The following SLC14A1 variants were observed in gnomAD, a reference collection of about 807,000 sequenced individuals.
SLC14A1 encodes urea transporter 1.
Under a neutral mutation model 39.6 loss-of-function variants are expected in SLC14A1, and 36 were observed. The ratio of observed to expected loss-of-function variants is 0.91; its 90% CI spans 0.70 to 1.20. SLC14A1 has a LOEUF of 1.20. Ranked by LOEUF, SLC14A1 falls within the 50% of genes most tolerant of loss-of-function variation. The pLI is 0.00. For missense variants in SLC14A1, 469 were observed against 478.7 expected (o/e 0.98, Z 0.19); for synonymous variants, 164 against 173.6 (o/e 0.94, Z 0.43).
chr18:45,732,268 T>C (rs2047052540), intron 4 of SLC14A1, among the ~76,000 whole-genome samples: 1 of 152,242 alleles, frequency 6.6e-6, no homozygotes, highest in South Asian at 2.1e-4. Context: ...AAATTCTCTG[T>C]TTTAAGTAAA....
intron 4 of SLC14A1, 54 bp downstream of exon 4, chr18:45,731,258 C>G (rs2144756487): frequency 6.6e-7 from 1 of 1,521,512 alleles, no homozygotes; most frequent in South Asian, 1.1e-5. Context: ...CAGGGGCTGA[C>G]CAGTTACTGT....
intron 2 of SLC14A1, among the ~76,000 whole-genome samples, chr18:45,727,740 G>T (rs895941482): frequency 6.6e-6 from 1 of 152,154 alleles, no homozygotes; most frequent in East Asian, 1.9e-4. Flanking sequence ...CTTCACTGGG[G>T]CTAAGATGTT....
chr18:45,743,526 T>C (rs2047452448), intron 8 of SLC14A1, among the ~76,000 whole-genome samples: 1 of 152,210 alleles, frequency 6.6e-6, no homozygotes, highest in Admixed American at 6.5e-5. Flanking sequence ...TACTAGCGTA[T>C]TTGCTTATGA....
At position 45,750,095 on chromosome 18, in the gene SLC14A1, T is replaced by C. The variant is rs1173889566; in HGVS notation, c.*144T>C. The C allele has an allele frequency of 6.4e-7, 1 of 1,556,406 alleles. No homozygotes were observed. The highest frequency in any genetic ancestry group is 8.6e-7 in the Non-Finnish European group (1 of 1,157,830). ...CTGTAATCTGTTCTTATGCTCATTT[T>C]GTATTTTCCTTTCAACTCCAGGAAT... is the stretch of plus-strand genomic sequence containing the variant. On this transcript the variant is annotated 3_prime_UTR_variant, in exon 10 of 10. Transcript: ENST00000321925.
At chr18:45,735,633 C>T (rs759898008) in intron 5 of SLC14A1, among the ~76,000 whole-genome samples, 4 of 152,208 alleles carry the variant, frequency 2.6e-5, no homozygotes, top group Non-Finnish European at 4.4e-5. Flanking sequence ...GGGATGCCCA[C>T]CCTTACTGTA....
At chr18:45,748,464 G>T in intron 9 of SLC14A1, 39 bp downstream of exon 9, 2 of 1,605,484 alleles carry the variant, frequency 1.2e-6, no homozygotes, top group South Asian at 2.2e-5. Flanking sequence ...TAGCGTAATT[G>T]ACCAGCTTAC....
In SLC14A1 at chr18:45,739,525, C is replaced by T. The variant is rs779319862; in HGVS notation, c.812-3C>T. The T allele has an allele frequency of 6.2e-7, 1 of 1,614,168 alleles. No homozygotes were observed. The highest frequency in any genetic ancestry group is 8.5e-7 in the Non-Finnish European group (1 of 1,180,000). ...TGAGTTCTGACCCCTCCTGTCTTAA[C>T]AGGACTCAGTCTTTCAGCCCCATTT... On this transcript the variant is annotated splice_polypyrimidine_tract_variant and splice_region_variant and intron_variant, in intron 7 of 9. Transcript: ENST00000321925.
At chr18:45,740,503 A>G (rs2047336602) in intron 8 of SLC14A1, among the ~76,000 whole-genome samples, 1 of 146,760 alleles carries the variant, frequency 6.8e-6, no homozygotes. Context: ...CCTGGGCAAC[A>G]GAGCAAGACT....
chr18:45,747,405 T>C (rs1355089970), intron 8 of SLC14A1, among the ~76,000 whole-genome samples: 5 of 152,140 alleles, frequency 3.3e-5, no homozygotes, highest in South Asian at 2.1e-4. Context: ...ACATAAGACG[T>C]TGGCTGGGCG....
intron 2 of SLC14A1, chr18:45,729,482 T>C (rs1485369792): frequency 6.6e-6 from 1 of 152,240 alleles, no homozygotes; most frequent in Middle Eastern, 3.2e-3. Context: ...ATAGTGTTCA[T>C]ACGTTCCAGA....
intron 6 of SLC14A1, among the ~76,000 whole-genome samples, chr18:45,738,019 A>G (rs2047248436): frequency 6.6e-6 from 1 of 152,240 alleles, no homozygotes; most frequent in Admixed American, 6.5e-5. Context: ...AGCATATGCC[A>G]TCTTTGCCAA....
chr18:45,731,172 C>CAG lies in SLC14A1; in HGVS notation c.310_311insGA (p.Thr104ArgfsTer3). Reference sequence around the variant, plus strand: ...CTGGCTGGCTGGGAACAGTGGTCTCCACTCTGATGGCCCTCTTGCTCAGCC... The same window carrying CAG: ...CTGGCTGGCTGGGAACAGTGGTCTCCAGACTCTGATGGCCCTCTTGCTCAGCC... On this transcript the variant is annotated frameshift_variant, in exon 4 of 10. Transcript: ENST00000321925. LOFTEE classifies it high-confidence loss of function. The CAG allele has an allele frequency of 6.2e-7, 1 of 1,613,974 alleles. No homozygotes were observed. Among genetic ancestry groups the CAG allele is most frequent in the South Asian group, 1.1e-5 (1 of 91,066 alleles).
Position 45,750,485 on chromosome 18 carries a change from T to G in SLC14A1, c.*534T>G. On this transcript the variant is annotated 3_prime_UTR_variant, in exon 10 of 10. Transcript: ENST00000321925. ...GGTGCAAGCTGACAGCAGAGCTCAG[T>G]CCCCACTTCCTGCAAACAATGGCCT... is the stretch of plus-strand genomic sequence containing the variant. 1.9e-6 allele frequency: 2 copies of G among 1,026,270 alleles called. No homozygotes were observed. Among genetic ancestry groups the G allele is most frequent in the Non-Finnish European group, 2.3e-6 (2 of 855,000 alleles). 63.6% of individuals were successfully genotyped at this position (1,026,270 alleles called of 1,614,324 possible). A position where few individuals can be genotyped will look rare whatever the true frequency, so the allele number is the denominator to read the frequency against.
chr18:45,749,234 G>A (rs1036070443), intron 9 of SLC14A1, among the ~76,000 whole-genome samples: 2 of 152,096 alleles, frequency 1.3e-5, no homozygotes, highest in African/African-American at 4.8e-5. Flanking sequence ...CCATGCATCA[G>A]GTCAGAGCTA....
At position 45,751,875 on chromosome 18, in the gene SLC14A1, G is replaced by A; in HGVS notation, c.*1924G>A. 1.0e-6 allele frequency: 1 copy of A among 985,114 alleles called. No homozygotes were observed. Among genetic ancestry groups the A allele is most frequent in the Non-Finnish European group, 1.2e-6 (1 of 829,764 alleles). The allele number at this position is 985,114 out of a possible 1,614,324, so 61.0% of individuals were successfully genotyped here. The stretch of plus-strand genomic sequence containing the variant: ...AGTGTGTATCGTGTAGTATTTTGGA[G>A]GTTGGAAAGTGAAACGTAGGAATCC... On this transcript the variant is annotated 3_prime_UTR_variant, in exon 10 of 10. Coordinates refer to ENST00000321925, the MANE Select transcript of SLC14A1 (RefSeq NM_015865.7).
intron 8 of SLC14A1, among the ~76,000 whole-genome samples, chr18:45,740,855 A>G (rs2047353659): frequency 6.6e-6 from 1 of 152,140 alleles, no homozygotes; most frequent in South Asian, 2.1e-4. Flanking sequence ...ACTTCTAACA[A>G]GTTCTCAGGG....
intron 2 of SLC14A1, chr18:45,727,036 C>G (rs919973672): frequency 4.1e-6 from 2 of 485,328 alleles, no homozygotes; most frequent in Non-Finnish European, 7.5e-6. Context: ...AAATGAACAT[C>G]AAATTTCCAT....
At position 45,752,106 on chromosome 18, in the gene SLC14A1, T is replaced by C; in HGVS notation, c.*2155T>C. 3.0e-6 allele frequency: 3 copies of C among 985,458 alleles called. No homozygotes were observed. Among genetic ancestry groups the C allele is most frequent in the Non-Finnish European group, 3.6e-6 (3 of 829,932 alleles). The allele number at this position is 985,458 out of a possible 1,614,324, so 61.0% of individuals were successfully genotyped here. A position where few individuals can be genotyped will look rare whatever the true frequency, so the allele number is the denominator to read the frequency against. On this transcript the variant is annotated 3_prime_UTR_variant, in exon 10 of 10. Coordinates refer to ENST00000321925, the MANE Select transcript of SLC14A1 (RefSeq NM_015865.7). ...GCCTTTGGAACTATGAATTTGCAACTGTCATAGGTTTATGGATATTGCTGT... is the reference window on the plus strand; with the variant it reads ...GCCTTTGGAACTATGAATTTGCAACCGTCATAGGTTTATGGATATTGCTGT...
Position 45,751,860 on chromosome 18 carries a change from G to A in SLC14A1, c.*1909G>A, listed in dbSNP as rs1295416205. 2.2e-5 allele frequency: 22 copies of A among 984,364 alleles called. No individual in the cohort carries two copies. The highest frequency in any genetic ancestry group is 2.3e-4 in the East Asian group (2 of 8,804). The allele number at this position is 984,364 out of a possible 1,614,324, so 61.0% of individuals were successfully genotyped here. A position where few individuals can be genotyped will look rare whatever the true frequency, so the allele number is the denominator to read the frequency against. ...TTTACTTTCCACTTCAGTGTGTATC[G>A]TGTAGTATTTTGGAGGTTGGAAAGT... On this transcript the variant is annotated 3_prime_UTR_variant, in exon 10 of 10. Coordinates refer to ENST00000321925, the MANE Select transcript of SLC14A1 (RefSeq NM_015865.7).
Sources: allele counts gnomAD v4.1 joint callset (sites outside exome capture counted in the v4.1 genomes callset), GRCh38; gene constraint gnomAD v4.1.1; transcripts MANE v1.5; gene names NCBI Gene and HGNC (gene_info 2026-07-23, HGNC 2026-07-21).